Variants in MRPL48 observed in about 807,000 individuals in gnomAD.
The protein encoded by MRPL48 is large ribosomal subunit protein mL48.
MRPL48 carries 16 observed loss-of-function variants against 32.9 expected under a neutral mutation model. The observed-to-expected ratio is 0.49, with a 90% CI of 0.33 to 0.74. The LOEUF is 0.74. Among genes scored for constraint, MRPL48 ranks in the 30% least tolerant of loss-of-function variants. The pLI is 0.02. For missense variants in MRPL48, 206 were observed against 245.3 expected, an observed-to-expected ratio of 0.84 and a Z score of 1.07; for synonymous variants, 94 against 89.2, an observed-to-expected ratio of 1.05 and a Z score of -0.31.
At position 73,864,283 on chromosome 11, in the gene MRPL48, T is replaced by C. The variant is rs775488879; in HGVS notation, c.565-13T>C. ...GCAGTAATTACCGCTTATTTTCTTT[T>C]TCTTCTCCTTAGCACACTGAAGAAG... On this transcript the variant is annotated splice_polypyrimidine_tract_variant and intron_variant, in intron 7 of 7. Coordinates refer to ENST00000310614, the MANE Select transcript of MRPL48 (RefSeq NM_016055.6). The C allele has an allele frequency of 6.2e-7, 1 of 1,612,306 alleles. No individual in the cohort carries two copies. The highest frequency in any genetic ancestry group is 8.5e-7 in the Non-Finnish European group (1 of 1,179,222).
intron 1 of MRPL48, chr11:73,789,379 T>C (rs1947106378): frequency 6.6e-6 from 1 of 152,214 alleles, no homozygotes; most frequent in African/African-American, 2.4e-5. Context: ...AATCTGTCAT[T>C]AAGGCCAGCA....
intron 4 of MRPL48, among the ~76,000 whole-genome samples, chr11:73,835,376 G>A (rs1003965312): frequency 2.6e-5 from 4 of 151,826 alleles, no homozygotes; most frequent in African/African-American, 7.3e-5. Context: ...TCCTGACCTC[G>A]TGATCCGCCT....
At chr11:73,835,420 G>A (rs77374951) in intron 4 of MRPL48, among the ~76,000 whole-genome samples, 2,643 of 152,268 alleles carry the variant, frequency 0.017, 76 homozygotes, top group African/African-American at 0.059. Flanking sequence ...GATTACAGGC[G>A]TGAGCCACCG....
At chr11:73,854,685 G>C (rs1948457170) in intron 5 of MRPL48, among the ~76,000 whole-genome samples, 1 of 152,124 alleles carries the variant, frequency 6.6e-6, no homozygotes, top group South Asian at 2.1e-4. Context: ...CTGGATTATA[G>C]ATTAAAAGAC....
chr11:73,815,747 G>A (rs1947654004), intron 3 of MRPL48, among the ~76,000 whole-genome samples: 1 of 151,956 alleles, frequency 6.6e-6, no homozygotes, highest in South Asian at 2.1e-4. Context: ...AAAGTGCTGG[G>A]ACCGCTCGCT....
intron 3 of MRPL48, chr11:73,817,950 A>G (rs193174798): frequency 4.2e-4 from 79 of 186,168 alleles, no homozygotes; most frequent in African/African-American, 1.8e-3. Context: ...GATTACAGGT[A>G]TGCGCTACCA....
In MRPL48 at chr11:73,861,960, T is replaced by C. The variant is rs570248071; in HGVS notation, c.475-1212T>C. On this transcript the variant is annotated intron_variant, in intron 6 of 7. Coordinates refer to ENST00000310614, the MANE Select transcript of MRPL48 (RefSeq NM_016055.6). ...ACAGCGTTTGACACCAGTCAGGTCC[T>C]GGTATGCCTGGATATGGGCAAAGCT... Among the ~76,000 whole-genome samples, 16 of 152,302 alleles carry C rather than the reference T, an allele frequency of 1.1e-4. No homozygotes were observed. In the South Asian group the frequency reaches 3.3e-3, roughly 32 times the overall value.
chr11:73,806,765 T>A (rs572336556), intron 2 of MRPL48, among the ~76,000 whole-genome samples: 1 of 152,322 alleles, frequency 6.6e-6, no homozygotes, highest in South Asian at 2.1e-4. Flanking sequence ...GAGTTTAATC[T>A]GTTGTTTTAA....
chr11:73,808,874 G>C (rs994070309), intron 3 of MRPL48, among the ~76,000 whole-genome samples: 2 of 151,740 alleles, frequency 1.3e-5, no homozygotes, highest in African/African-American at 4.8e-5. Context: ...AGTGAGCTGA[G>C]ATTACGCCAT....
intron 1 of MRPL48, among the ~76,000 whole-genome samples, chr11:73,804,650 G>A (rs1281864967): frequency 6.6e-6 from 1 of 152,156 alleles, no homozygotes; most frequent in Non-Finnish European, 1.5e-5. Context: ...CTTTACTTAC[G>A]AAATTGTCTT....
At chr11:73,809,802 T>C (rs918418157) in intron 3 of MRPL48, among the ~76,000 whole-genome samples, 1 of 152,198 alleles carries the variant, frequency 6.6e-6, no homozygotes, top group Non-Finnish European at 1.5e-5. Context: ...GATAAAGGAA[T>C]GGAAGTAAGG....
chr11:73,798,002 C>A (rs1418754917), intron 1 of MRPL48, among the ~76,000 whole-genome samples: 2 of 152,158 alleles, frequency 1.3e-5, no homozygotes, highest in African/African-American at 4.8e-5. Context: ...CATAAGGACC[C>A]AATCCAAAGG....
rs1590918867 is a variant in MRPL48 at position 73,788,089 on chromosome 11, C to T, written c.21+97C>T. Reference sequence around the variant, plus strand: ...TGCAGAGCGGGGAGGTGGCGGCGCGCGGACATCCGGGGATGAGACACTGGG... The same window carrying T: ...TGCAGAGCGGGGAGGTGGCGGCGCGTGGACATCCGGGGATGAGACACTGGG... On this transcript the variant is annotated intron_variant, in intron 1 of 7. Coordinates refer to ENST00000310614, the MANE Select transcript of MRPL48 (RefSeq NM_016055.6). The T allele has an allele frequency of 8.1e-6, 11 of 1,353,840 alleles. No individual in the cohort carries two copies. In the Admixed American group the frequency reaches 1.2e-4, roughly 14 times the overall value. The allele number at this position is 1,353,840 out of a possible 1,614,324, so 83.9% of individuals were successfully genotyped here.
chr11:73,806,095 A>C (rs1215256788), intron 2 of MRPL48, among the ~76,000 whole-genome samples: 2 of 151,410 alleles, frequency 1.3e-5, no homozygotes, highest in Non-Finnish European at 2.9e-5. Context: ...TGTTCTTCAC[A>C]GTAAAGCAGA....
intron 3 of MRPL48, among the ~76,000 whole-genome samples, chr11:73,814,872 A>T (rs55910552): frequency 0.095 from 14,397 of 151,414 alleles, 812 homozygotes; most frequent in South Asian, 0.27. Flanking sequence ...TCACACGCCC[A>T]TAATCCCAGC....
At chr11:73,846,975 T>C (rs1206148755) in intron 5 of MRPL48, among the ~76,000 whole-genome samples, 1 of 147,122 alleles carries the variant, frequency 6.8e-6, no homozygotes, top group African/African-American at 2.5e-5. Flanking sequence ...CTTTTTTTCT[T>C]TTTTTTTTTT....
intron 3 of MRPL48, 31 bp downstream of exon 3, chr11:73,808,381 T>C: frequency 6.3e-7 from 1 of 1,584,120 alleles, no homozygotes; most frequent in Non-Finnish European, 8.6e-7. Flanking sequence ...GTAGTTGGCC[T>C]GCTTTAAGTG....
chr11:73,794,216 CTAT>C (rs1947206300), intron 1 of MRPL48, among the ~76,000 whole-genome samples: 1 of 150,470 alleles, frequency 6.6e-6, no homozygotes, highest in African/African-American at 2.4e-5. Context: ...ATCTATCTAT[CTAT>C]CTATCTATCT....
chr11:73,810,556 TTTA>T (rs200101439), intron 3 of MRPL48, among the ~76,000 whole-genome samples: 1,636 of 98,076 alleles, frequency 0.017, 23 homozygotes, highest in African/African-American at 0.071. Context: ...GTTTTCTTTC[TTTA>T]TTTTTTTTTT....
Sources: allele counts gnomAD v4.1 joint callset (sites outside exome capture counted in the v4.1 genomes callset), GRCh38; gene constraint gnomAD v4.1.1; transcripts MANE v1.5; gene names NCBI Gene and HGNC (gene_info 2026-07-23, HGNC 2026-07-21).